The following PCDHA13 variants were observed in gnomAD, a reference collection of about 807,000 sequenced individuals.
PCDHA13 encodes the protein protocadherin alpha-13.
Under a neutral mutation model 64.8 loss-of-function variants are expected in PCDHA13, and 54 were observed. That is an observed-to-expected ratio of 0.83 (90% CI 0.67 to 1.04). The LOEUF is 1.04. Ranked by LOEUF, PCDHA13 falls within the 50% of genes least tolerant of loss-of-function variation. The pLI, the probability that PCDHA13 is intolerant of heterozygous loss-of-function variation, is 0.00. For missense variants in PCDHA13, 1,248 were observed against 1,254.3 expected (o/e 0.99, Z 0.08); for synonymous variants, 587 against 564.4 (o/e 1.04, Z -0.57).
At chr5:140,914,097 A>G (rs191641220) in intron 1 of PCDHA13, among the ~76,000 whole-genome samples, 38 of 152,298 alleles carry the variant, frequency 2.5e-4, no homozygotes, top group Admixed American at 9.2e-4. Flanking sequence ...AATTTGTTCT[A>G]TAGTGCAGAT....
intron 1 of PCDHA13, among the ~76,000 whole-genome samples, chr5:140,971,561 A>G (rs367567903): frequency 1.3e-3 from 195 of 152,186 alleles, no homozygotes; most frequent in African/African-American, 4.3e-3. Context: ...TTAAATTCCC[A>G]TGTTGGGCTT....
At chr5:140,938,468 A>T (rs1427570517) in intron 1 of PCDHA13, among the ~76,000 whole-genome samples, 1 of 152,096 alleles carries the variant, frequency 6.6e-6, no homozygotes, top group Non-Finnish European at 1.5e-5. Flanking sequence ...TTAATTTATT[A>T]TGTTTTTTAA....
At chr5:140,911,158 G>A (rs1274383238) in intron 1 of PCDHA13, among the ~76,000 whole-genome samples, 1 of 152,162 alleles carries the variant, frequency 6.6e-6, no homozygotes, top group African/African-American at 2.4e-5. Context: ...TCAGACAAAT[G>A]TGGAAAGGCT....
intron 3 of PCDHA13, chr5:140,988,920 AACAAC>A (rs1245893791): frequency 6.6e-6 from 1 of 152,174 alleles, no homozygotes; most frequent in Non-Finnish European, 1.5e-5. Context: ...AGGAGAATAG[AACAAC>A]ACTGTTCTCT....
intron 1 of PCDHA13, among the ~76,000 whole-genome samples, chr5:140,912,283 A>G (rs1442282452): frequency 6.6e-6 from 1 of 152,104 alleles, no homozygotes; most frequent in Non-Finnish European, 1.5e-5. Flanking sequence ...ACCCAGGAAC[A>G]ATACTTTGCC....
intron 1 of PCDHA13, chr5:140,968,785 T>G: frequency 6.2e-7 from 1 of 1,614,226 alleles, no homozygotes; most frequent in Non-Finnish European, 8.5e-7. Flanking sequence ...TATCAGCCTC[T>G]GTGGCCATTA....
At chr5:140,916,665 G>A (rs1166692195) in intron 1 of PCDHA13, among the ~76,000 whole-genome samples, 2 of 152,184 alleles carry the variant, frequency 1.3e-5, no homozygotes, top group Non-Finnish European at 2.9e-5. Flanking sequence ...CAAGATGCAA[G>A]ACAAAGTCCT....
chr5:140,968,927 T>C (rs1554231254), intron 1 of PCDHA13: 3 of 1,614,090 alleles, frequency 1.9e-6, no homozygotes, highest in African/African-American at 1.3e-5. Flanking sequence ...TATATTTCTT[T>C]TGACAATCAT....
chr5:140,892,332 T>C (rs552266223), intron 1 of PCDHA13, among the ~76,000 whole-genome samples: 41 of 152,392 alleles, frequency 2.7e-4, no homozygotes, highest in African/African-American at 9.9e-4. Flanking sequence ...TTCTCCAGAA[T>C]GGATTTTAAT....
chr5:140,968,077 C>A lies in PCDHA13; in HGVS notation c.2395-10872C>A, dbSNP rs1274008262. 2.5e-6 allele frequency: 4 copies of A among 1,614,020 alleles called. No homozygotes were observed. In the African/African-American group the frequency reaches 4.0e-5, roughly 16 times the overall value. On this transcript the variant is annotated intron_variant, in intron 1 of 3. Coordinates refer to ENST00000289272, the MANE Select transcript of PCDHA13 (RefSeq NM_018904.3). ...GAGAGCGGGTGGCTGTCTACAACAT[C>A]ACGGTGACAGCCACAGATGGGGGAA...
At chr5:140,954,692 C>T (rs1428031536) in intron 1 of PCDHA13, among the ~76,000 whole-genome samples, 10 of 151,966 alleles carry the variant, frequency 6.6e-5, no homozygotes, top group African/African-American at 2.4e-4. Flanking sequence ...GATGGATAGA[C>T]TACAAAATTT....
intron 1 of PCDHA13, among the ~76,000 whole-genome samples, chr5:140,946,167 T>C (rs2153672434): frequency 6.6e-6 from 1 of 151,842 alleles, no homozygotes; most frequent in South Asian, 2.1e-4. Context: ...AAAAGATGGG[T>C]AAAGGATGTG....
At chr5:140,981,458 C>T (rs1465511355) in intron 2 of PCDHA13, among the ~76,000 whole-genome samples, 5 of 152,134 alleles carry the variant, frequency 3.3e-5, no homozygotes, top group African/African-American at 4.8e-5. Flanking sequence ...CCTGTAGTCC[C>T]AGCTACTTGG....
At chr5:140,998,014 C>T (rs1554256135) in intron 3 of PCDHA13, among the ~76,000 whole-genome samples, 1 of 152,162 alleles carries the variant, frequency 6.6e-6, no homozygotes, top group Non-Finnish European at 1.5e-5. Context: ...TCCATCCCCA[C>T]CTCGAGCTAG....
chr5:140,973,803 G>C (rs1232498397), intron 1 of PCDHA13, among the ~76,000 whole-genome samples: 2 of 152,214 alleles, frequency 1.3e-5, no homozygotes, highest in African/African-American at 2.4e-5. Flanking sequence ...CTGTCTACTT[G>C]ACAGAATAGC....
chr5:140,997,698 A>G (rs1587762890), intron 3 of PCDHA13, among the ~76,000 whole-genome samples: 4 of 145,560 alleles, frequency 2.7e-5, no homozygotes, highest in South Asian at 2.2e-4. Context: ...GTGTGTGTGT[A>G]TGTTAACAAA....
At chr5:140,896,089 G>GGATTA (rs2065370419) in intron 1 of PCDHA13, among the ~76,000 whole-genome samples, 1 of 152,010 alleles carries the variant, frequency 6.6e-6, no homozygotes, top group Non-Finnish European at 1.5e-5. Flanking sequence ...GGGATTACAG[G>GGATTA]CGTGAGCCAC....
chr5:140,966,958 G>T (rs561982676), intron 1 of PCDHA13: 4 of 1,602,380 alleles, frequency 2.5e-6, no homozygotes, highest in African/African-American at 2.7e-5. Context: ...TGGCTCGCGC[G>T]CTGGGGCTTG....
At chr5:140,943,927 A>G (rs1407165466) in intron 1 of PCDHA13, among the ~76,000 whole-genome samples, 2 of 152,236 alleles carry the variant, frequency 1.3e-5, no homozygotes, top group East Asian at 1.9e-4. Flanking sequence ...GAGCAGCTTT[A>G]GAAGTGTGGT....
Sources: gnomAD v4.1 joint callset for allele counts (sites outside exome capture counted in the v4.1 genomes callset) on GRCh38, gnomAD v4.1.1 for gene constraint, MANE v1.5 for transcripts, NCBI Gene and HGNC (gene_info 2026-07-23, HGNC 2026-07-21) for gene names.